RBFOX1: variants seen among roughly 807,000 people sequenced by gnomAD.
RBFOX1 encodes RNA binding fox-1 homolog 1, also known as RNA binding protein fox-1 homolog 1.
RBFOX1 carries 8 observed loss-of-function variants against 57.7 expected under a neutral mutation model. That is an observed-to-expected ratio of 0.14 (90% CI 0.08 to 0.25). The LOEUF is 0.25. RBFOX1 is among the 10% of genes least tolerant of loss of function. RBFOX1 has a pLI of 1.00. For synonymous variants in RBFOX1, 326 were observed against 222.4 expected (o/e 1.47, Z -4.15); for missense variants, 611 against 548.5 (o/e 1.11, Z -1.14).
At chr16:5,659,684 G>T (rs1372633621) in intron 3 of RBFOX1, among the ~76,000 whole-genome samples, 2 of 152,104 alleles carry the variant, frequency 1.3e-5, no homozygotes, top group African/African-American at 4.8e-5. Context: ...TGAAAATGTG[G>T]CTGTGAAAAA....
chr16:5,536,121 T>A (rs1567204523), intron 2 of RBFOX1, among the ~76,000 whole-genome samples: 2 of 149,070 alleles, frequency 1.3e-5, no homozygotes, highest in African/African-American at 4.9e-5. Flanking sequence ...TTTTCTTTTT[T>A]ATTTAACAGT....
chr16:5,967,484 T>C (rs779697004), intron 4 of RBFOX1, among the ~76,000 whole-genome samples: 1 of 152,226 alleles, frequency 6.6e-6, no homozygotes, highest in Non-Finnish European at 1.5e-5. Flanking sequence ...TGATATTTTA[T>C]GACCATAATC....
chr16:6,748,158 A>G (rs2074164044), intron 3 of RBFOX1, among the ~76,000 whole-genome samples: 1 of 152,164 alleles, frequency 6.6e-6, no homozygotes, highest in East Asian at 1.9e-4. Context: ...ATGATTTACT[A>G]GCATCTCGTT....
chr16:6,171,494 C>T (rs1242904329), intron 1 of RBFOX1, among the ~76,000 whole-genome samples: 1 of 152,148 alleles, frequency 6.6e-6, no homozygotes, highest in Non-Finnish European at 1.5e-5. Flanking sequence ...AGACACATTC[C>T]TGGAGTTTGG....
chr16:5,976,524 A>G (rs1480455011), intron 4 of RBFOX1, among the ~76,000 whole-genome samples: 2 of 152,150 alleles, frequency 1.3e-5, no homozygotes, highest in Non-Finnish European at 2.9e-5. Context: ...TCCCTTAGGA[A>G]TTCTAAGGTA....
intron 3 of RBFOX1, among the ~76,000 whole-genome samples, chr16:6,803,199 T>C (rs2085906061): frequency 6.6e-6 from 1 of 152,126 alleles, no homozygotes; most frequent in Non-Finnish European, 1.5e-5. Flanking sequence ...TTGAAAATAG[T>C]CGAAAATGTT....
chr16:5,397,046 A>G (rs1305889778), intron 1 of RBFOX1, among the ~76,000 whole-genome samples: 3 of 152,210 alleles, frequency 2.0e-5, no homozygotes, highest in East Asian at 3.9e-4. Flanking sequence ...ACCAAAGGTC[A>G]TAATAGGCTC....
chr16:5,839,794 C>G (rs892691118), intron 3 of RBFOX1, among the ~76,000 whole-genome samples: 83 of 152,284 alleles, frequency 5.5e-4, no homozygotes, highest in African/African-American at 1.8e-3. Context: ...ATGCGGTTTT[C>G]TTTTCTTGAG....
chr16:6,924,796 G>A (rs1427603944), intron 3 of RBFOX1, among the ~76,000 whole-genome samples: 1 of 149,874 alleles, frequency 6.7e-6, no homozygotes, highest in Non-Finnish European at 1.5e-5. Context: ...TTGTCATTTA[G>A]CATTAGGTAT....
At chr16:7,136,306 A>G (rs1225498482) in intron 4 of RBFOX1, among the ~76,000 whole-genome samples, 1 of 151,994 alleles carries the variant, frequency 6.6e-6, no homozygotes, top group African/African-American at 2.4e-5. Flanking sequence ...GTCTCATATT[A>G]GCCACATCTC....
chr16:6,240,777 C>G (rs772311284), intron 1 of RBFOX1, among the ~76,000 whole-genome samples: 1 of 152,096 alleles, frequency 6.6e-6, no homozygotes, highest in Non-Finnish European at 1.5e-5. Context: ...TTGGACTTTT[C>G]TATTCCATTT....
intron 3 of RBFOX1, among the ~76,000 whole-genome samples, chr16:6,976,995 GC>G (rs1221270869): frequency 7.1e-6 from 1 of 140,240 alleles, no homozygotes; most frequent in Non-Finnish European, 1.5e-5. Context: ...TATATCACAT[GC>G]CATATATTGT....
chr16:5,635,105 A>G (rs937857804), intron 3 of RBFOX1, among the ~76,000 whole-genome samples: 2 of 152,204 alleles, frequency 1.3e-5, no homozygotes, highest in African/African-American at 2.4e-5. Context: ...AATACAGTGT[A>G]TCACTGAACT....
chr16:7,662,205 C>A (rs1597527990), intron 12 of RBFOX1, among the ~76,000 whole-genome samples: 1 of 152,192 alleles, frequency 6.6e-6, no homozygotes. Flanking sequence ...CCATTGAGAT[C>A]TTTAGAAGTC....
chr16:7,217,396 T>C (rs2092287080), intron 4 of RBFOX1, among the ~76,000 whole-genome samples: 1 of 149,756 alleles, frequency 6.7e-6, no homozygotes, highest in Admixed American at 6.7e-5. Flanking sequence ...CCCAAAGTGC[T>C]GGGATTACAG....
chr16:6,485,701 A>G (rs1404456610), intron 2 of RBFOX1, among the ~76,000 whole-genome samples: 1 of 152,216 alleles, frequency 6.6e-6, no homozygotes, highest in Non-Finnish European at 1.5e-5. Context: ...TACTATGTAA[A>G]AAGAGCAGAA....
intron 4 of RBFOX1, among the ~76,000 whole-genome samples, chr16:5,893,255 A>G (rs1365034844): frequency 6.6e-6 from 1 of 152,216 alleles, no homozygotes; most frequent in Non-Finnish European, 1.5e-5. Context: ...TTAGCATAGT[A>G]TTTTACAAGT....
At position 6,437,608 on chromosome 16, in the gene RBFOX1, C is replaced by G. The variant is rs560569710; in HGVS notation, c.-64+120551C>G. On this transcript the variant is annotated intron_variant, in intron 2 of 15. Transcript: ENST00000550418. The stretch of plus-strand genomic sequence containing the variant: ...CACTGCTATGAAGAACTACCTGAGA[C>G]TGTGTAATTTATAAAGAAAAGAGGT... Among the ~76,000 whole-genome samples, 8 of 152,248 alleles carry G rather than the reference C, an allele frequency of 5.3e-5. No individual in the cohort carries two copies. The South Asian group carries it at 1.7e-3, about 32-fold the overall frequency.
chr16:5,638,903 T>C (rs1049163513), intron 3 of RBFOX1, among the ~76,000 whole-genome samples: 1 of 152,210 alleles, frequency 6.6e-6, no homozygotes, highest in African/African-American at 2.4e-5. Context: ...AACTCCTGTG[T>C]ATCCTGTGAA....
Sources: allele counts gnomAD v4.1 joint callset (sites outside exome capture counted in the v4.1 genomes callset), GRCh38; gene constraint gnomAD v4.1.1; transcripts MANE v1.5; gene names NCBI Gene and HGNC (gene_info 2026-07-23, HGNC 2026-07-21).